Variants in TPRG1 observed in about 807,000 individuals in gnomAD.
TPRG1 encodes the protein tumor protein p63 regulated 1, also known as tumor protein p63-regulated gene 1 protein.
In TPRG1, 29 loss-of-function variants were observed where a neutral mutation model predicts 29.3. That is an observed-to-expected ratio of 0.99 (90% CI 0.74 to 1.35). The LOEUF (loss-of-function observed/expected upper bound fraction) is 1.35. Ranked by LOEUF, TPRG1 falls within the 40% of genes most tolerant of loss-of-function variation. The pLI, the probability that TPRG1 is intolerant of heterozygous loss-of-function variation, is 0.00. For synonymous variants in TPRG1, 130 were observed against 116.8 expected, an observed-to-expected ratio of 1.11 and a Z score of -0.73; for missense variants, 327 against 335.0, an observed-to-expected ratio of 0.98 and a Z score of 0.19.
chr3:189,233,511 T>C (rs1162610365), intron 3 of TPRG1, among the ~76,000 whole-genome samples: 3 of 152,084 alleles, frequency 2.0e-5, no homozygotes, highest in African/African-American at 4.8e-5. Context: ...GGGGAGAACC[T>C]AGGCTCCATC....
intron 3 of TPRG1, among the ~76,000 whole-genome samples, chr3:189,005,351 AG>A (rs1388220410): frequency 4.6e-5 from 7 of 152,140 alleles, no homozygotes; most frequent in African/African-American, 1.7e-4. Flanking sequence ...CTAGTGGAAC[AG>A]ATGAGAGGTG....
intron 4 of TPRG1, among the ~76,000 whole-genome samples, chr3:189,047,903 A>G (rs142344364): frequency 1.3e-5 from 2 of 152,278 alleles, no homozygotes; most frequent in African/African-American, 2.4e-5. Context: ...GTTTGCAGGC[A>G]TTTTCTCCAG....
At chr3:189,272,677 T>C (rs1370610994) in intron 4 of TPRG1, among the ~76,000 whole-genome samples, 1 of 143,448 alleles carries the variant, frequency 7.0e-6, no homozygotes, top group Non-Finnish European at 1.5e-5. Context: ...TTCCTTCCTT[T>C]CTTTCCTTTC....
At chr3:189,309,649 A>G (rs1722168037) in intron 4 of TPRG1, among the ~76,000 whole-genome samples, 1 of 152,122 alleles carries the variant, frequency 6.6e-6, no homozygotes, top group Admixed American at 6.6e-5. Flanking sequence ...CTCTACCATG[A>G]GTTCTCTCCC....
Position 189,322,779 on chromosome 3 carries a change from A to G in TPRG1, c.*1959A>G, listed in dbSNP as rs2108509186. 6.6e-6 allele frequency: 1 copy of G among 152,310 alleles called. No homozygotes were observed. Among genetic ancestry groups the G allele is most frequent in the African/African-American group, 2.4e-5 (1 of 41,536 alleles). 9.4% of individuals were successfully genotyped at this position (152,310 alleles called of 1,614,324 possible). A position where few individuals can be genotyped will look rare whatever the true frequency, so the allele number is the denominator to read the frequency against. On this transcript the variant is annotated 3_prime_UTR_variant, in exon 6 of 6. Transcript: ENST00000345063. The stretch of plus-strand genomic sequence containing the variant: ...GTTCCCAAATGACCTTCTAAAGGAC[A>G]CAGTGCACCATCATCAATGGAAACA...
chr3:189,159,809 G>A (rs1727212104), intron 5 of TPRG1, among the ~76,000 whole-genome samples: 1 of 150,076 alleles, frequency 6.7e-6, no homozygotes, highest in African/African-American at 2.5e-5. Context: ...AGGTTTTTGA[G>A]GTAGATAATG....
At chr3:189,317,471 A>G (rs2109352225) in intron 5 of TPRG1, among the ~76,000 whole-genome samples, 1 of 152,316 alleles carries the variant, frequency 6.6e-6, no homozygotes, top group East Asian at 1.9e-4. Context: ...CCCTCCATTC[A>G]CAGCGTGTAT....
At chr3:189,262,059 A>C (rs1169632462) in intron 4 of TPRG1, among the ~76,000 whole-genome samples, 1 of 152,120 alleles carries the variant, frequency 6.6e-6, no homozygotes, top group African/African-American at 2.4e-5. Context: ...AATGGTGACA[A>C]TATAAGAGAT....
chr3:189,045,144 A>G (rs959498906), intron 4 of TPRG1, among the ~76,000 whole-genome samples: 2 of 152,202 alleles, frequency 1.3e-5, no homozygotes, highest in Non-Finnish European at 2.9e-5. Context: ...ATGCTCATAT[A>G]TATTTTTAAA....
intron 1 of TPRG1, among the ~76,000 whole-genome samples, chr3:189,174,660 T>A (rs1449523697): frequency 6.6e-6 from 1 of 152,206 alleles, no homozygotes; most frequent in African/African-American, 2.4e-5. Flanking sequence ...AGATATAGGA[T>A]ATATGATGAC....
intron 5 of TPRG1, among the ~76,000 whole-genome samples, chr3:189,155,039 G>T (rs1263069125): frequency 1.3e-5 from 2 of 152,176 alleles, no homozygotes; most frequent in East Asian, 3.9e-4. Context: ...CGAACAGCAG[G>T]TGCAAGATGC....
rs539132315 is a variant in TPRG1, at chr3:189,063,817, G to A, written c.-463+39871G>A. Reference sequence around the variant, plus strand: ...ACTTACTCTAGAAGCAAAGTGTTTTGGAGGTCCCCAAGACCACTCCTGTTT... The same window carrying A: ...ACTTACTCTAGAAGCAAAGTGTTTTAGAGGTCCCCAAGACCACTCCTGTTT... On this transcript the variant is annotated intron_variant, in intron 4 of 10. Transcript: ENST00000433971. Among the ~76,000 whole-genome samples, 4 of 152,218 alleles carry A rather than the reference G, an allele frequency of 2.6e-5. No individual in the cohort carries two copies. The East Asian group carries it at 7.7e-4, about 29-fold the overall frequency.
upstream of TPRG1, among the ~76,000 whole-genome samples, chr3:189,169,640 A>G (rs1207515221): frequency 6.6e-6 from 1 of 152,146 alleles, no homozygotes; most frequent in Non-Finnish European, 1.5e-5. Context: ...ACATGAAGTG[A>G]ATTCTTATAT....
chr3:189,245,024 G>A (rs150194718), intron 4 of TPRG1, among the ~76,000 whole-genome samples: 4 of 152,130 alleles, frequency 2.6e-5, no homozygotes, highest in East Asian at 1.9e-4. Context: ...GAGTTCAAGC[G>A]ATTCTCCTGC....
chr3:189,164,800 G>A (rs1003768555), intron 5 of TPRG1, among the ~76,000 whole-genome samples: 2 of 152,094 alleles, frequency 1.3e-5, no homozygotes, highest in Non-Finnish European at 1.5e-5. Context: ...CTCTGAAAAC[G>A]GATATGGCAT....
chr3:189,256,070 G>T (rs939750287), intron 4 of TPRG1, among the ~76,000 whole-genome samples: 1 of 151,992 alleles, frequency 6.6e-6, no homozygotes, highest in Non-Finnish European at 1.5e-5. Context: ...GAATTTGTTT[G>T]CTCTTGCTTC....
At chr3:189,002,042 CTA>C (rs1206685336) in intron 2 of TPRG1, among the ~76,000 whole-genome samples, 9 of 152,222 alleles carry the variant, frequency 5.9e-5, no homozygotes, top group Admixed American at 5.9e-4. Flanking sequence ...GACAGCACAA[CTA>C]GTTAACGTGG....
chr3:189,274,958 G>A (rs1015214372), intron 4 of TPRG1, among the ~76,000 whole-genome samples: 3 of 151,318 alleles, frequency 2.0e-5, no homozygotes, highest in African/African-American at 7.3e-5. Context: ...GTGTGTGTGT[G>A]TGTGTGTGTG....
chr3:189,297,292 C>T (rs1720105680), intron 4 of TPRG1, among the ~76,000 whole-genome samples: 1 of 152,110 alleles, frequency 6.6e-6, no homozygotes, highest in Non-Finnish European at 1.5e-5. Flanking sequence ...CTGATAAACC[C>T]TCTTCTGCTT....
Sources: gnomAD v4.1 joint callset for allele counts (sites outside exome capture counted in the v4.1 genomes callset) on GRCh38, gnomAD v4.1.1 for gene constraint, MANE v1.5 for transcripts, NCBI Gene and HGNC (gene_info 2026-07-23, HGNC 2026-07-21) for gene names.